Variants in TMEM178B observed in about 807,000 individuals in gnomAD.
TMEM178B encodes the protein transmembrane protein 178B.
A neutral mutation model predicts 31.0 loss-of-function variants in TMEM178B; 5 were observed. That is an observed-to-expected ratio of 0.16 (90% CI 0.08 to 0.34). TMEM178B has a LOEUF of 0.34. Ranked by LOEUF, TMEM178B falls within the 10% of genes least tolerant of loss-of-function variation. The pLI is 1.00. For missense variants in TMEM178B, 275 were observed against 400.3 expected (o/e 0.69, Z 2.67); for synonymous variants, 164 against 164.0 (o/e 1.00, Z 0.00).
At chr7:141,173,381 C>T (rs1796377977) in intron 1 of TMEM178B, among the ~76,000 whole-genome samples, 1 of 152,106 alleles carries the variant, frequency 6.6e-6, no homozygotes, top group Non-Finnish European at 1.5e-5. Context: ...TGAGCTGAAT[C>T]AATAATATAC....
intron 2 of TMEM178B, among the ~76,000 whole-genome samples, chr7:141,241,224 T>G (rs1332461090): frequency 6.6e-6 from 1 of 151,978 alleles, no homozygotes; most frequent in Non-Finnish European, 1.5e-5. Flanking sequence ...TGTATGCCTT[T>G]TTTTGGTTGA....
At chr7:141,093,982 G>C (rs975988542) in intron 1 of TMEM178B, among the ~76,000 whole-genome samples, 1 of 152,122 alleles carries the variant, frequency 6.6e-6, no homozygotes, top group African/African-American at 2.4e-5. Context: ...GAAAGAAATG[G>C]TAACTGGACT....
At chr7:141,361,867 A>T (rs565606242) in intron 2 of TMEM178B, among the ~76,000 whole-genome samples, 1 of 152,376 alleles carries the variant, frequency 6.6e-6, no homozygotes, top group East Asian at 1.9e-4. Context: ...TCATCATTAA[A>T]ATTAGCTGCC....
chr7:141,456,811 C>T (rs750884614), intron 3 of TMEM178B, among the ~76,000 whole-genome samples: 22 of 152,146 alleles, frequency 1.4e-4, no homozygotes, highest in African/African-American at 2.7e-4. Flanking sequence ...GAAGATGGCA[C>T]GCTCTAAGTG....
intron 1 of TMEM178B, among the ~76,000 whole-genome samples, chr7:141,201,193 C>A (rs1383635619): frequency 1.3e-5 from 2 of 152,368 alleles, no homozygotes. Flanking sequence ...CGGCACACAG[C>A]AGCCCACAAA....
intron 1 of TMEM178B, among the ~76,000 whole-genome samples, chr7:141,195,079 T>G (rs1216214380): frequency 6.6e-6 from 1 of 152,200 alleles, no homozygotes; most frequent in African/African-American, 2.4e-5. Flanking sequence ...CCTCCAGGCC[T>G]GTGATGGGAG....
At chr7:141,183,449 T>A (rs1796561586) in intron 1 of TMEM178B, among the ~76,000 whole-genome samples, 1 of 152,216 alleles carries the variant, frequency 6.6e-6, no homozygotes, top group Admixed American at 6.5e-5. Context: ...TTCTTTGTGT[T>A]ACCTACAAAA....
At chr7:141,187,512 G>A (rs1173586114) in intron 1 of TMEM178B, among the ~76,000 whole-genome samples, 2 of 152,054 alleles carry the variant, frequency 1.3e-5, no homozygotes, top group African/African-American at 4.8e-5. Context: ...CTGAGGAATC[G>A]CCACACTGAC....
downstream of TMEM178B, among the ~76,000 whole-genome samples, chr7:141,481,626 A>G (rs2116746989): frequency 6.6e-6 from 1 of 152,318 alleles, no homozygotes; most frequent in Admixed American, 6.5e-5. Flanking sequence ...TAAAAGGGGC[A>G]TCCTGGAGGT....
intron 1 of TMEM178B, among the ~76,000 whole-genome samples, chr7:141,120,044 A>C (rs1795384446): frequency 6.6e-6 from 1 of 152,174 alleles, no homozygotes; most frequent in South Asian, 2.1e-4. Context: ...AGCTTTGGGA[A>C]GGGCAATGTT....
At chr7:141,112,968 A>T (rs920877929) in intron 1 of TMEM178B, among the ~76,000 whole-genome samples, 1 of 152,238 alleles carries the variant, frequency 6.6e-6, no homozygotes, top group Non-Finnish European at 1.5e-5. Flanking sequence ...CTTGCTTTGC[A>T]TTTTAACCAG....
chr7:141,221,347 C>T (rs1797253539), intron 2 of TMEM178B, among the ~76,000 whole-genome samples: 1 of 152,222 alleles, frequency 6.6e-6, no homozygotes, highest in Non-Finnish European at 1.5e-5. Flanking sequence ...AGGTGCTCAG[C>T]ACTCTGGCTG....
intron 1 of TMEM178B, among the ~76,000 whole-genome samples, chr7:141,099,832 C>CTTTT (rs11372173): frequency 7.1e-6 from 1 of 141,830 alleles, no homozygotes. Flanking sequence ...AACGGTGTCT[C>CTTTT]TTTTTTTTTT....
At chr7:141,173,221 T>G (rs1796375206) in intron 1 of TMEM178B, 1 of 152,208 alleles carries the variant, frequency 6.6e-6, no homozygotes, top group Non-Finnish European at 1.5e-5. Context: ...GAGTTTGCCT[T>G]TCCCCTTAAG....
intron 1 of TMEM178B, among the ~76,000 whole-genome samples, chr7:141,201,473 C>T (rs1796876601): frequency 6.6e-6 from 1 of 152,086 alleles, no homozygotes; most frequent in South Asian, 2.1e-4. Flanking sequence ...TATTTATGGG[C>T]TGTTGTATGG....
intron 1 of TMEM178B, among the ~76,000 whole-genome samples, chr7:141,143,771 A>G (rs1795811107): frequency 6.6e-6 from 1 of 151,986 alleles, no homozygotes; most frequent in African/African-American, 2.4e-5. Context: ...TGGTATCTTG[A>G]TAGGAATAGC....
intron 2 of TMEM178B, among the ~76,000 whole-genome samples, chr7:141,264,717 C>T (rs1798066816): frequency 6.6e-6 from 1 of 152,144 alleles, no homozygotes; most frequent in African/African-American, 2.4e-5. Flanking sequence ...GAGAGCTAGT[C>T]TTGCCAAAAA....
intron 1 of TMEM178B, among the ~76,000 whole-genome samples, chr7:141,180,414 C>T (rs1019534078): frequency 2.9e-5 from 4 of 139,718 alleles, no homozygotes; most frequent in Admixed American, 7.6e-5. Flanking sequence ...GAGCTGAGAT[C>T]GCACCACTGC....
intron 2 of TMEM178B, among the ~76,000 whole-genome samples, chr7:141,399,696 T>G (rs1040021540): frequency 2.0e-5 from 3 of 152,234 alleles, no homozygotes; most frequent in African/African-American, 7.2e-5. Flanking sequence ...CATCATTTTG[T>G]TCGCCTTCGT....
Sources: allele counts gnomAD v4.1 joint callset (sites outside exome capture counted in the v4.1 genomes callset), GRCh38; gene constraint gnomAD v4.1.1; transcripts MANE v1.5; gene names NCBI Gene and HGNC (gene_info 2026-07-23, HGNC 2026-07-21).